Variants in TTC34 observed in about 807,000 individuals in gnomAD.
TTC34 encodes tetratricopeptide repeat domain 34.
A neutral mutation model predicts 40.7 loss-of-function variants in TTC34; 44 were observed. The observed-to-expected ratio is 1.08, with a 90% CI of 0.85 to 1.39. The LOEUF is 1.39. TTC34 is among the 40% of genes most tolerant of loss of function. The pLI, the probability that TTC34 is intolerant of heterozygous loss-of-function variation, is 0.00. For missense variants in TTC34, 884 were observed against 838.0 expected, an observed-to-expected ratio of 1.05 and a Z score of -0.68; for synonymous variants, 422 against 398.6, an observed-to-expected ratio of 1.06 and a Z score of -0.70.
At chr1:2,687,048 A>T (rs1640393123) in intron 6 of TTC34, among the ~76,000 whole-genome samples, 1 of 140,578 alleles carries the variant, frequency 7.1e-6, no homozygotes, top group Non-Finnish European at 1.5e-5. Context: ...CCACAACCCC[A>T]GGCGTGCATC....
Position 2,789,451 on chromosome 1 carries a change from G to A in TTC34, c.1628+52C>T, listed in dbSNP as rs1373479498. 15 of 1,475,732 alleles carry A rather than the reference G, an allele frequency of 1.0e-5. No homozygotes were observed. In the East Asian group the frequency reaches 4.1e-4, roughly 40 times the overall value. 91.4% of individuals were successfully genotyped at this position (1,475,732 alleles called of 1,614,324 possible). A position where few individuals can be genotyped will look rare whatever the true frequency, so the allele number is the denominator to read the frequency against. On this transcript the variant is annotated intron_variant, in intron 3 of 8. Coordinates refer to ENST00000401095, the Ensembl canonical transcript of TTC34. ...GAGGAAACACATCCGTCGCTACCTCGAAGGAGACCCGCAGGAAGCAGCGGC... is the reference window on the plus strand; with the variant it reads ...GAGGAAACACATCCGTCGCTACCTCAAAGGAGACCCGCAGGAAGCAGCGGC...
intron 6 of TTC34, among the ~76,000 whole-genome samples, chr1:2,688,571 C>A (rs1467763679): frequency 7.0e-6 from 1 of 143,148 alleles, no homozygotes. Flanking sequence ...GCACCCACAC[C>A]TTCCGGCGCG....
At chr1:2,657,412 T>A (rs111310377) in intron 6 of TTC34, among the ~76,000 whole-genome samples, 1 of 83,094 alleles carries the variant, frequency 1.2e-5, no homozygotes, top group African/African-American at 3.5e-5. Context: ...CCCGGAGCAG[T>A]ACCAGTACCC....
intron 6 of TTC34, among the ~76,000 whole-genome samples, chr1:2,748,613 A>C (rs1641222338): frequency 6.7e-6 from 1 of 150,030 alleles, no homozygotes; most frequent in Non-Finnish European, 1.5e-5. Context: ...CCAGGTGAGC[A>C]TCTGACAGCC....
At chr1:2,675,159 AC>A (rs1475975983) in intron 6 of TTC34, among the ~76,000 whole-genome samples, 6 of 136,624 alleles carry the variant, frequency 4.4e-5, no homozygotes, top group South Asian at 2.4e-4. Flanking sequence ...CAGCACCCAC[AC>A]CCCCAGGGGA....
intron 6 of TTC34, among the ~76,000 whole-genome samples, chr1:2,754,849 G>C (rs1641452660): frequency 3.0e-5 from 4 of 132,546 alleles, no homozygotes; most frequent in South Asian, 5.2e-4. Context: ...GACTGGAACA[G>C]CACCCACATG....
intron 6 of TTC34, among the ~76,000 whole-genome samples, chr1:2,683,652 A>T (rs1339748259): frequency 2.7e-5 from 4 of 147,558 alleles, no homozygotes; most frequent in Admixed American, 2.7e-4. Flanking sequence ...AGCATCTGAC[A>T]GCCTGGAGCA....
intron 2 of TTC34, among the ~76,000 whole-genome samples, chr1:2,791,874 G>T (rs950972756): frequency 1.3e-5 from 2 of 151,932 alleles, no homozygotes; most frequent in African/African-American, 4.8e-5. Context: ...AGGTCACCCA[G>T]CCTCTGTTCA....
exon 9 of TTC34, chr1:2,641,546 C>T (rs572322681): frequency 0.015 from 22,867 of 1,533,862 alleles, 214 homozygotes; most frequent in Non-Finnish European, 0.018. Flanking sequence ...AGTGGGGGCC[C>T]GGCCTGGCTG....
chr1:2,687,329 C>A (rs537831170), intron 6 of TTC34, among the ~76,000 whole-genome samples: 1 of 120,506 alleles, frequency 8.3e-6, no homozygotes, highest in Non-Finnish European at 1.6e-5. Flanking sequence ...CCCAAACCCA[C>A]AGGTGAGCAT....
intron 6 of TTC34, among the ~76,000 whole-genome samples, chr1:2,754,203 G>A (rs1641422308): frequency 5.6e-5 from 3 of 53,886 alleles, no homozygotes; most frequent in Non-Finnish European, 9.3e-5. Flanking sequence ...TGACAGCCTG[G>A]AACAGAACCC....
At chr1:2,784,156 G>A (rs1643539516) in intron 5 of TTC34, among the ~76,000 whole-genome samples, 1 of 152,146 alleles carries the variant, frequency 6.6e-6, no homozygotes, top group Non-Finnish European at 1.5e-5. Context: ...GGGTAAGGAG[G>A]GTGAATCTTC....
At position 2,755,543 on chromosome 1, in the gene TTC34, C is replaced by A. The variant is rs1414262927; in HGVS notation, c.2226+28066G>T. Among the ~76,000 whole-genome samples, 99 of 102,458 alleles carry A rather than the reference C, an allele frequency of 9.7e-4. 5 individuals are homozygous for A. The highest frequency in any genetic ancestry group is 4.8e-3 in the Middle Eastern group (1 of 210). 67.2% of individuals were successfully genotyped at this position (102,458 alleles called of 152,430 possible). ...TGACAGCCTGGAACAGTACCCACAC[C>A]CACAGGCGAGCATCTGAAACCACGG... On this transcript the variant is annotated intron_variant, in intron 6 of 8. Coordinates refer to ENST00000401095, the Ensembl canonical transcript of TTC34.
At chr1:2,684,388 A>T (rs1301278587) in intron 6 of TTC34, among the ~76,000 whole-genome samples, 1 of 151,110 alleles carries the variant, frequency 6.6e-6, no homozygotes, top group African/African-American at 2.5e-5. Flanking sequence ...CTGGAACAGA[A>T]TCCACACCCC....
chr1:2,657,735 C>G (rs370976902), intron 6 of TTC34, among the ~76,000 whole-genome samples: 213 of 41,958 alleles, frequency 5.1e-3, no homozygotes, highest in East Asian at 0.021. Context: ...GGGTCGGCAC[C>G]CACACCCTCA....
intron 6 of TTC34, among the ~76,000 whole-genome samples, chr1:2,684,133 A>G (rs551624967): frequency 6.6e-6 from 1 of 152,266 alleles, no homozygotes; most frequent in African/African-American, 2.4e-5. Context: ...TGAGCATCTG[A>G]CAGACTGGAA....
intron 6 of TTC34, among the ~76,000 whole-genome samples, chr1:2,761,066 G>T (rs1171717550): frequency 1.5e-5 from 1 of 68,108 alleles, no homozygotes; most frequent in African/African-American, 1.2e-4. Context: ...ATCCGAGAGC[G>T]TGGAGCAGCA....
At chr1:2,756,043 C>T (rs1274967315) in intron 6 of TTC34, among the ~76,000 whole-genome samples, 10 of 71,384 alleles carry the variant, frequency 1.4e-4, no homozygotes, top group Middle Eastern at 5.9e-3. Context: ...GAGCATCTGA[C>T]AACCTGGAAC....
At chr1:2,751,404 C>G (rs1641314495) in intron 6 of TTC34, among the ~76,000 whole-genome samples, 1 of 146,844 alleles carries the variant, frequency 6.8e-6, no homozygotes, top group African/African-American at 2.6e-5. Flanking sequence ...GCAGCACCCA[C>G]ACACACAGGT....
Sources: gnomAD v4.1 joint callset for allele counts (sites outside exome capture counted in the v4.1 genomes callset) on GRCh38, gnomAD v4.1.1 for gene constraint, MANE v1.5 for transcripts, NCBI Gene and HGNC (gene_info 2026-07-23, HGNC 2026-07-21) for gene names.